Variants in SOX5 observed in about 807,000 individuals in gnomAD.
The protein encoded by SOX5 is SRY-box transcription factor 5.
SOX5 carries 9 observed loss-of-function variants against 92.0 expected under a neutral mutation model. The observed-to-expected ratio is 0.10, with a 90% confidence interval of 0.06 to 0.17. SOX5 has a LOEUF of 0.17. Among genes scored for constraint, SOX5 ranks in the 10% least tolerant of loss-of-function variants. The probability of loss-of-function intolerance (pLI) is 1.00; values close to 1 mark genes in which losing one functional copy is unlikely to be tolerated. For synonymous variants in SOX5, 344 were observed against 336.3 expected, an observed-to-expected ratio of 1.02 and a Z score of -0.25; for missense variants, 642 against 944.5, an observed-to-expected ratio of 0.68 and a Z score of 4.20.
chr12:24,293,372 T>G (rs1449993453), intron 2 of SOX5, among the ~76,000 whole-genome samples: 5 of 152,252 alleles, frequency 3.3e-5, no homozygotes, highest in African/African-American at 9.6e-5. Context: ...GGCTTTTTAA[T>G]TTTTATCATC....
intron 4 of SOX5, among the ~76,000 whole-genome samples, chr12:24,105,124 T>C (rs1946528062): frequency 6.6e-6 from 1 of 152,216 alleles, no homozygotes; most frequent in Admixed American, 6.5e-5. Flanking sequence ...TTTCAATGCC[T>C]CCATCTTACC....
rs71059917 is a variant in SOX5, at chr12:23,695,940, C to CAAAAAAAAAA, written c.811-30386_811-30377dup. The stretch of plus-strand genomic sequence containing the variant: ...TGGGTGACAGAGCGAGACTCTGTCT[C>CAAAAAAAAAA]AAAAAAAAAAAAAAAAAAAAAAAAA... On this transcript the variant is annotated intron_variant, in intron 6 of 14. Coordinates refer to ENST00000451604, the MANE Select transcript of SOX5 (RefSeq NM_006940.6). Among the ~76,000 whole-genome samples, 36 of 11,910 alleles carry CAAAAAAAAAA rather than the reference C, an allele frequency of 3.0e-3. 2 individuals carry two copies. The highest frequency in any genetic ancestry group is 7.6e-3 in the African/African-American group (28 of 3,672). 7.8% of individuals were successfully genotyped at this position (11,910 alleles called of 152,430 possible). A position where few individuals can be genotyped will look rare whatever the true frequency, so the allele number is the denominator to read the frequency against.
chr12:23,604,311 C>T (rs1479452), intron 9 of SOX5, 76 bp downstream of exon 9: 878,690 of 1,509,190 alleles, frequency 0.58, 257,473 homozygotes, highest in African/African-American at 0.68. Flanking sequence ...TGCTGGCATA[C>T]AATAGACATT....
intron 4 of SOX5, among the ~76,000 whole-genome samples, chr12:24,157,867 T>G (rs1952354104): frequency 6.6e-6 from 1 of 152,012 alleles, no homozygotes; most frequent in South Asian, 2.1e-4. Context: ...TGAGTCAGAG[T>G]TTGCCTCTCC....
In SOX5 at chr12:23,665,484, T is replaced by C; in HGVS notation, c.891A>G (p.Gly297=). The change falls in exon 7 of 15, where the codon GGA becomes GGG. Residue 297 remains glycine, a synonymous_variant. Transcript: ENST00000451604. ...QRTLAAAAQQ[G]FLLPPGFSYK... is the part of the protein sequence containing the mutation. Reference sequence around the variant, plus strand: ...AGCTGAAGCCTGGAGGGAGGAGGAATCCTTGCTGGGCAGCTGCAGCCAGTG... The same window carrying C: ...AGCTGAAGCCTGGAGGGAGGAGGAACCCTTGCTGGGCAGCTGCAGCCAGTG... 1 of 1,613,592 alleles carries C rather than the reference T, an allele frequency of 6.2e-7. No individual in the cohort carries two copies. Among genetic ancestry groups the C allele is most frequent in the Non-Finnish European group, 8.5e-7 (1 of 1,179,632 alleles).
At chr12:24,392,874 G>A (rs1016164777) in intron 1 of SOX5, among the ~76,000 whole-genome samples, 5 of 152,090 alleles carry the variant, frequency 3.3e-5, no homozygotes. Context: ...GACACAGGGA[G>A]AAACATGTAG....
At chr12:24,354,637 C>T (rs1308135604) in intron 2 of SOX5, among the ~76,000 whole-genome samples, 1 of 152,144 alleles carries the variant, frequency 6.6e-6, no homozygotes, top group Non-Finnish European at 1.5e-5. Flanking sequence ...TAAAGAGAAG[C>T]TGACAGATGA....
intron 1 of SOX5, among the ~76,000 whole-genome samples, chr12:23,902,569 G>A (rs2097247314): frequency 7.1e-6 from 1 of 141,260 alleles, no homozygotes; most frequent in Admixed American, 6.9e-5. Flanking sequence ...TCAGTTGCAT[G>A]CATAAAAAAA....
chr12:24,295,741 GT>G (rs67910015), intron 2 of SOX5, among the ~76,000 whole-genome samples: 1 of 151,866 alleles, frequency 6.6e-6, no homozygotes, highest in Non-Finnish European at 1.5e-5. Context: ...AATTTTTGTA[GT>G]TTTTTTGTAG....
At chr12:24,445,406 A>C (rs911539705) in intron 1 of SOX5, among the ~76,000 whole-genome samples, 1 of 152,226 alleles carries the variant, frequency 6.6e-6, no homozygotes, top group African/African-American at 2.4e-5. Flanking sequence ...TCATTGTGAC[A>C]GACTATGAGT....
chr12:24,219,408 T>C (rs1414327356), intron 3 of SOX5, among the ~76,000 whole-genome samples: 2 of 152,058 alleles, frequency 1.3e-5, no homozygotes, highest in East Asian at 3.8e-4. Context: ...AATAAACATA[T>C]CACATGTGCC....
chr12:23,978,127 G>A (rs1949124723), intron 4 of SOX5, among the ~76,000 whole-genome samples: 1 of 152,150 alleles, frequency 6.6e-6, no homozygotes, highest in African/African-American at 2.4e-5. Context: ...GCTGGAGTAA[G>A]GACCCAAAGG....
chr12:23,608,103 C>G (rs1327735679), intron 8 of SOX5, among the ~76,000 whole-genome samples: 1 of 20,096 alleles, frequency 5.0e-5, no homozygotes, highest in African/African-American at 1.9e-4. Context: ...GACGTTGTCT[C>G]AAAAGAAAAA....
intron 1 of SOX5, among the ~76,000 whole-genome samples, chr12:24,420,448 A>G (rs2136923517): frequency 6.6e-6 from 1 of 152,328 alleles, no homozygotes; most frequent in East Asian, 1.9e-4. Flanking sequence ...CTCAAAGGGT[A>G]AGGATTACAA....
intron 1 of SOX5, among the ~76,000 whole-genome samples, chr12:24,466,235 CTTCTT>C (rs1420328839): frequency 7.9e-5 from 12 of 151,752 alleles, no homozygotes; most frequent in Non-Finnish European, 1.3e-4. Flanking sequence ...CTTCTTTCTT[CTTCTT>C]TTCTTTCTTT....
chr12:23,738,594 A>T (rs890766417), intron 5 of SOX5: 4 of 152,198 alleles, frequency 2.6e-5, no homozygotes, highest in African/African-American at 9.7e-5. Flanking sequence ...GAATCAAAGG[A>T]TTCTAGAATC....
intron 3 of SOX5, among the ~76,000 whole-genome samples, chr12:24,274,473 T>G (rs150279146): frequency 2.0e-3 from 310 of 152,250 alleles, no homozygotes; most frequent in Non-Finnish European, 3.5e-3. Flanking sequence ...GGTAAAATGT[T>G]TTCCATTATT....
intron 2 of SOX5, among the ~76,000 whole-genome samples, chr12:23,879,978 C>T (rs2096969638): frequency 6.6e-6 from 1 of 152,130 alleles, no homozygotes; most frequent in African/African-American, 2.4e-5. Context: ...GAAGATATTT[C>T]ATGATAACAA....
At chr12:23,556,549 T>C (rs1488551164) in intron 11 of SOX5, among the ~76,000 whole-genome samples, 1 of 152,244 alleles carries the variant, frequency 6.6e-6, no homozygotes. Context: ...AAATCTGCTT[T>C]ACCACACTGT....
Sources: allele counts gnomAD v4.1 joint callset (sites outside exome capture counted in the v4.1 genomes callset), GRCh38; gene constraint gnomAD v4.1.1; transcripts MANE v1.5; gene names NCBI Gene and HGNC (gene_info 2026-07-23, HGNC 2026-07-21).